STAU2: variants seen among roughly 807,000 people sequenced by gnomAD.
STAU2 encodes the protein staufen double-stranded RNA binding protein 2.
In STAU2, 20 loss-of-function variants were observed where a neutral mutation model predicts 65.9. The observed-to-expected ratio is 0.30, with a 90% CI of 0.21 to 0.44. The LOEUF (loss-of-function observed/expected upper bound fraction) is 0.44, where lower values mean the gene tolerates loss of function less well. Ranked by LOEUF, STAU2 falls within the 20% of genes least tolerant of loss-of-function variation. The pLI is 1.00. For missense variants in STAU2, 558 were observed against 683.9 expected (o/e 0.82, Z 2.05); for synonymous variants, 232 against 233.9 (o/e 0.99, Z 0.07).
At chr8:73,575,032 A>C (rs1311398854) in intron 12 of STAU2, among the ~76,000 whole-genome samples, 1 of 151,602 alleles carries the variant, frequency 6.6e-6, no homozygotes, top group African/African-American at 2.4e-5. Context: ...TTAAAATGTC[A>C]TTCAAATATA....
At chr8:73,622,360 T>C (rs1813326695) in intron 6 of STAU2, among the ~76,000 whole-genome samples, 1 of 152,050 alleles carries the variant, frequency 6.6e-6, no homozygotes, top group Non-Finnish European at 1.5e-5. Flanking sequence ...TCTCCGACCT[T>C]GTGATCCGCC....
rs60034849 is a variant in STAU2 at position 73,730,728 on chromosome 8, CAAAAA to C, written c.-18+7551_-18+7555del. Among the ~76,000 whole-genome samples, 9 of 82,698 alleles carry C rather than the reference CAAAAA, an allele frequency of 1.1e-4. No individual in the cohort carries two copies. In the South Asian group the frequency reaches 1.3e-3, roughly 12 times the overall value. 54.3% of individuals were successfully genotyped at this position (82,698 alleles called of 152,430 possible). The stretch of plus-strand genomic sequence containing the variant: ...GGTAACAGAGCAAGACTACGTCTTT[CAAAAA>C]AAAAAAAAAAAAAAAGACAAAAAAA... On this transcript the variant is annotated intron_variant, in intron 3 of 14. Transcript: ENST00000524300.
chr8:73,588,170 C>T (rs1401451296), intron 11 of STAU2, among the ~76,000 whole-genome samples: 1 of 152,126 alleles, frequency 6.6e-6, no homozygotes, highest in Non-Finnish European at 1.5e-5. Flanking sequence ...TTTTCTTGAA[C>T]CCTTTAGAGA....
chr8:73,649,869 TTATATATATATATATATATATATATATA>T (rs55814743), intron 6 of STAU2, among the ~76,000 whole-genome samples: 9 of 71,656 alleles, frequency 1.3e-4, no homozygotes, highest in Admixed American at 1.0e-3. Flanking sequence ...CTATATAATT[TTATATATATATATATATATATATATATA>T]TATATATATA....
Position 73,421,282 on chromosome 8 carries a change from A to C in STAU2, c.*90T>G. 9.6e-7 allele frequency: 1 copy of C among 1,042,222 alleles called. No homozygotes were observed. The highest frequency in any genetic ancestry group is 1.4e-6 in the Non-Finnish European group (1 of 698,772). 64.6% of individuals were successfully genotyped at this position (1,042,222 alleles called of 1,614,324 possible). A position where few individuals can be genotyped will look rare whatever the true frequency, so the allele number is the denominator to read the frequency against. On this transcript the variant is annotated 3_prime_UTR_variant, in exon 15 of 15. Coordinates refer to ENST00000524300, the MANE Select transcript of STAU2 (RefSeq NM_001164380.2). ...CTTCACATAAGACTCAAATAATGGT[A>C]TTAGTCATTCATTTCCCTGAACACA...
chr8:73,616,841 G>A lies in STAU2; in HGVS notation c.570+451C>T, dbSNP rs1309103080. ...ACTATGCTATGTATAGGACATGCCT[G>A]AGCTAGAGATACTATTTTGAAGTCA... On this transcript the variant is annotated intron_variant, in intron 7 of 14. Coordinates refer to ENST00000524300, the MANE Select transcript of STAU2 (RefSeq NM_001164380.2). Among the ~76,000 whole-genome samples the A allele has an allele frequency of 2.0e-5, 3 of 152,040 alleles. No homozygotes were observed. In the East Asian group the frequency reaches 5.8e-4, roughly 29 times the overall value.
chr8:73,630,347 G>A (rs944257527), intron 6 of STAU2, among the ~76,000 whole-genome samples: 4 of 152,174 alleles, frequency 2.6e-5, no homozygotes, highest in African/African-American at 9.7e-5. Context: ...GTACCCTGAG[G>A]TAAAACACAG....
At chr8:73,428,994 C>T (rs1373325238) in intron 13 of STAU2, among the ~76,000 whole-genome samples, 1 of 152,176 alleles carries the variant, frequency 6.6e-6, no homozygotes, top group Admixed American at 6.5e-5. Flanking sequence ...CTTGATGCCA[C>T]GAATGGATTT....
chr8:73,632,432 C>A (rs1814171194), intron 6 of STAU2, among the ~76,000 whole-genome samples: 1 of 152,268 alleles, frequency 6.6e-6, no homozygotes, highest in South Asian at 2.1e-4. Context: ...CTGAGACCCA[C>A]ATGGGAGTAA....
intron 12 of STAU2, among the ~76,000 whole-genome samples, chr8:73,582,270 G>A (rs908092362): frequency 1.3e-5 from 2 of 151,674 alleles, no homozygotes; most frequent in Non-Finnish European, 2.9e-5. Flanking sequence ...TAATGACTCA[G>A]CAAAACGCAA....
intron 3 of STAU2, among the ~76,000 whole-genome samples, chr8:73,719,751 AT>A (rs1215410313): frequency 6.6e-6 from 1 of 152,212 alleles, no homozygotes; most frequent in Non-Finnish European, 1.5e-5. Context: ...AATTATATTT[AT>A]GAGACATACT....
intron 11 of STAU2, among the ~76,000 whole-genome samples, chr8:73,591,909 A>AAAAAAAAAAAG (rs1563444035): frequency 7.1e-6 from 1 of 141,080 alleles, no homozygotes; most frequent in African/African-American, 2.9e-5. Context: ...AAAAAAAAAA[A>AAAAAAAAAAAG]AAAAACAAGA....
intron 13 of STAU2, among the ~76,000 whole-genome samples, chr8:73,506,528 A>G (rs1398022250): frequency 6.6e-6 from 1 of 151,920 alleles, no homozygotes; most frequent in Non-Finnish European, 1.5e-5. Context: ...TTTTAAAAAC[A>G]GTTTATTAGA....
At chr8:73,647,647 T>C (rs931351777) in intron 6 of STAU2, among the ~76,000 whole-genome samples, 5 of 151,444 alleles carry the variant, frequency 3.3e-5, no homozygotes, top group Non-Finnish European at 4.4e-5. Flanking sequence ...GGTGTGATCA[T>C]GGCTCGTAGT....
intron 13 of STAU2, among the ~76,000 whole-genome samples, chr8:73,509,709 T>C (rs1013866764): frequency 8.7e-5 from 13 of 150,276 alleles, no homozygotes; most frequent in Admixed American, 3.3e-4. Context: ...CCACATATTT[T>C]CCTTATGTGA....
chr8:73,686,378 G>A (rs528075935), intron 5 of STAU2, among the ~76,000 whole-genome samples: 92 of 152,144 alleles, frequency 6.0e-4, no homozygotes, highest in African/African-American at 2.0e-3. Context: ...GTGAAACCCC[G>A]TCTCTACTAA....
At chr8:73,649,189 A>G (rs1262028906) in intron 6 of STAU2, among the ~76,000 whole-genome samples, 3 of 152,228 alleles carry the variant, frequency 2.0e-5, no homozygotes, top group Non-Finnish European at 4.4e-5. Context: ...GATGCAAAAC[A>G]AAGACCGAGA....
At chr8:73,605,346 T>C (rs747153310) in intron 9 of STAU2, among the ~76,000 whole-genome samples, 19 of 148,662 alleles carry the variant, frequency 1.3e-4, no homozygotes, top group Non-Finnish European at 2.7e-4. Context: ...TCTCACTCTG[T>C]TGCCCAGGCT....
chr8:73,566,129 T>C (rs1808591507), intron 12 of STAU2, among the ~76,000 whole-genome samples: 1 of 152,236 alleles, frequency 6.6e-6, no homozygotes, highest in Non-Finnish European at 1.5e-5. Flanking sequence ...ATCTGTAAGA[T>C]GAATTAGTCT....
Sources: gnomAD v4.1 joint callset for allele counts (sites outside exome capture counted in the v4.1 genomes callset) on GRCh38, gnomAD v4.1.1 for gene constraint, MANE v1.5 for transcripts, NCBI Gene and HGNC (gene_info 2026-07-23, HGNC 2026-07-21) for gene names.